The following UTY variants were observed in gnomAD, a reference collection of about 807,000 sequenced individuals.
The protein encoded by UTY is histone demethylase UTY.
In UTY, 12 loss-of-function variants were observed where a neutral mutation model predicts 32.5. The ratio of observed to expected loss-of-function variants is 0.37; its 90% CI spans 0.24 to 0.60. The LOEUF is 0.60. Ranked by LOEUF, UTY falls within the 20% of genes least tolerant of loss-of-function variation. The pLI is 0.69. For missense variants in UTY, 303 were observed against 299.2 expected (o/e 1.01, Z -0.09); for synonymous variants, 131 against 103.4 (o/e 1.27, Z -1.62).
chrY:13,410,940 T>C, intron 6 of UTY, 53 bp downstream of exon 6: 1 of 386,994 alleles, frequency 2.6e-6, no homozygotes, highest in Non-Finnish European at 3.6e-6. Context: ...CACATGTGCA[T>C]GCACGCACAC....
At chrY:13,336,674 A>C (rs2061113506) in intron 17 of UTY, among the ~76,000 whole-genome samples, 1 of 33,499 alleles carries the variant, frequency 3.0e-5, no homozygotes, top group Non-Finnish European at 7.4e-5. Context: ...ATGTGGAAAA[A>C]CATGTATGGT....
chrY:13,406,571 G>T (rs763282967), intron 6 of UTY, among the ~76,000 whole-genome samples: 1 of 30,775 alleles, frequency 3.2e-5, no homozygotes, highest in Admixed American at 3.0e-4. Context: ...AAACACAAAG[G>T]ATTTTAAAAA....
chrY:13,446,607 T>TAGACAGAC (rs1191166381), intron 4 of UTY, among the ~76,000 whole-genome samples: 1 of 20,599 alleles, frequency 4.9e-5, no homozygotes, highest in Non-Finnish European at 9.8e-5. Flanking sequence ...GATAGATAGA[T>TAGACAGAC]AGATAGATAG....
chrY:13,447,299 G>A, intron 4 of UTY, among the ~76,000 whole-genome samples: 1 of 32,986 alleles, frequency 3.0e-5, no homozygotes, highest in African/African-American at 1.2e-4. Context: ...CTGAGGAACT[G>A]TCAGAGCCAA....
At chrY:13,394,898 G>C (rs2067965474) in intron 7 of UTY, among the ~76,000 whole-genome samples, 1 of 32,611 alleles carries the variant, frequency 3.1e-5, no homozygotes, top group Non-Finnish European at 7.5e-5. Context: ...GTGAACCTCT[G>C]TAAATGTCTG....
At chrY:13,300,600 T>C in intron 25 of UTY, among the ~76,000 whole-genome samples, 1 of 33,280 alleles carries the variant, frequency 3.0e-5, no homozygotes, top group Non-Finnish European at 7.4e-5. Context: ...AAAAATTTTG[T>C]TTTTTTCAAT....
At chrY:13,290,090 T>C in intron 27 of UTY, among the ~76,000 whole-genome samples, 1 of 32,276 alleles carries the variant, frequency 3.1e-5, no homozygotes, top group Non-Finnish European at 7.6e-5. Flanking sequence ...AAACTTCCAA[T>C]GAAACAACCT....
At chrY:13,253,806 C>A in intron 28 of UTY, among the ~76,000 whole-genome samples, 1 of 33,110 alleles carries the variant, frequency 3.0e-5, no homozygotes, top group Non-Finnish European at 7.4e-5. Context: ...AGCTTCCATT[C>A]AGGCTGCTCA....
intron 28 of UTY, among the ~76,000 whole-genome samples, chrY:13,258,798 C>G: frequency 2.9e-5 from 1 of 33,951 alleles, no homozygotes. Context: ...AGAAATAGCT[C>G]ACTGTGACAA....
chrY:13,377,090 C>A, intron 8 of UTY, among the ~76,000 whole-genome samples: 2 of 33,473 alleles, frequency 6.0e-5, no homozygotes, highest in East Asian at 1.6e-3. Context: ...CAAAGAAATA[C>A]AAGTTTAAAA....
intron 6 of UTY, among the ~76,000 whole-genome samples, chrY:13,397,467 G>A (rs2068368384): frequency 9.0e-5 from 3 of 33,308 alleles, no homozygotes; most frequent in Admixed American, 2.7e-4. Context: ...TTTAAAACCT[G>A]TATGTACAAC....
At chrY:13,329,443 T>G in intron 18 of UTY, among the ~76,000 whole-genome samples, 1 of 33,779 alleles carries the variant, frequency 3.0e-5, no homozygotes, top group Admixed American at 2.7e-4. Context: ...GTTTTAGGCA[T>G]GCGAAATGAC....
intron 27 of UTY, among the ~76,000 whole-genome samples, chrY:13,278,174 C>T: frequency 6.0e-5 from 2 of 33,254 alleles, no homozygotes; most frequent in Admixed American, 5.4e-4. Flanking sequence ...GAGGAGAAGA[C>T]CCAGTTCTGG....
intron 28 of UTY, among the ~76,000 whole-genome samples, chrY:13,237,472 A>G (rs2053861742): frequency 3.0e-5 from 1 of 33,498 alleles, no homozygotes; most frequent in Admixed American, 2.7e-4. Context: ...AGACTTTCCA[A>G]CAAGGTCAGG....
chrY:13,417,257 C>T, intron 4 of UTY, among the ~76,000 whole-genome samples: 3 of 33,528 alleles, frequency 8.9e-5, no homozygotes, highest in African/African-American at 3.5e-4. Context: ...TTTAGCTTTA[C>T]ACAGTGTTTT....
At chrY:13,238,567 C>T in intron 28 of UTY, among the ~76,000 whole-genome samples, 5 of 33,688 alleles carry the variant, frequency 1.5e-4, no homozygotes, top group African/African-American at 5.8e-4. Context: ...GGTGCCACTG[C>T]AGGTCACACT....
intron 4 of UTY, among the ~76,000 whole-genome samples, chrY:13,415,785 T>C (rs761403875): frequency 3.0e-5 from 1 of 33,666 alleles, no homozygotes; most frequent in East Asian, 7.8e-4. Context: ...ATTTGTCAGA[T>C]TGCATTCCTG....
rs919696976 is a variant in UTY, at chrY:13,466,013, C to T, written c.325+4108G>A. ...AAAACTGGGTTGGTCCAAGGCCATGCTGACTACCATACTCCATGAAACATA... is the reference window on the plus strand; with the variant it reads ...AAAACTGGGTTGGTCCAAGGCCATGTTGACTACCATACTCCATGAAACATA... On this transcript the variant is annotated intron_variant, in intron 3 of 29. Coordinates refer to ENST00000545955, the MANE Select transcript of UTY (RefSeq NM_001258249.2). Among the ~76,000 whole-genome samples the T allele has an allele frequency of 1.5e-4, 5 of 33,581 alleles. No homozygotes were observed. The South Asian group carries it at 3.3e-3, about 22-fold the overall frequency. The allele number at this position is 33,581 out of a possible 37,273, so 90.1% of individuals were successfully genotyped here. A position where few individuals can be genotyped will look rare whatever the true frequency, so the allele number is the denominator to read the frequency against.
chrY:13,398,994 G>A, intron 6 of UTY, among the ~76,000 whole-genome samples: 3 of 33,022 alleles, frequency 9.1e-5, no homozygotes, highest in African/African-American at 1.2e-4. Flanking sequence ...GTTCAAGGTA[G>A]CATTACTACA....
Sources: gnomAD v4.1 joint callset for allele counts (sites outside exome capture counted in the v4.1 genomes callset) on GRCh38, gnomAD v4.1.1 for gene constraint, MANE v1.5 for transcripts, NCBI Gene and HGNC (gene_info 2026-07-23, HGNC 2026-07-21) for gene names.